Variants in TCHP observed in about 807,000 individuals in gnomAD.
TCHP encodes the protein trichoplein keratin filament-binding protein.
A neutral mutation model predicts 88.7 loss-of-function variants in TCHP; 81 were observed. The ratio of observed to expected loss-of-function variants is 0.91; its 90% CI spans 0.76 to 1.10. TCHP has a LOEUF of 1.10. TCHP is among the 50% of genes least tolerant of loss of function. The pLI, the probability that TCHP is intolerant of heterozygous loss-of-function variation, is 0.00. For synonymous variants in TCHP, 232 were observed against 232.5 expected (o/e 1.00, Z 0.02); for missense variants, 641 against 632.1 (o/e 1.01, Z -0.15).
the TCHP span, among the ~76,000 whole-genome samples, chr12:109,882,612 A>G: frequency 7.0e-6 from 1 of 142,788 alleles, no homozygotes; most frequent in Non-Finnish European, 1.5e-5. Context: ...AGGCTGGAGT[A>G]TATTGGGGCA....
chr12:109,894,160 G>C, the TCHP span, among the ~76,000 whole-genome samples: 2 of 151,256 alleles, frequency 1.3e-5, no homozygotes, highest in African/African-American at 4.9e-5. Context: ...ACTCTAGCCT[G>C]GGCAACAGAG....
In TCHP at chr12:109,911,412, G is replaced by A. The variant is rs113688375; in HGVS notation, c.1052+177G>A. Among the ~76,000 whole-genome samples, 758 of 152,166 alleles carry A rather than the reference G, an allele frequency of 5.0e-3. 6 individuals carry two copies. The highest frequency in any genetic ancestry group is 0.017 in the African/African-American group (726 of 41,532). On this transcript the variant is annotated intron_variant, in intron 9 of 12. Coordinates refer to ENST00000405876, the MANE Select transcript of TCHP (RefSeq NM_001143852.2). ...GGATCGCTTGAGCCTAGGAATTTGA[G>A]ATCAGCCTGGGCAACATGGCAAAAC...
At chr12:109,897,846 C>T (rs1869603825), upstream of TCHP, among the ~76,000 whole-genome samples, 1 of 152,190 alleles carries the variant, frequency 6.6e-6, no homozygotes, top group Admixed American at 6.5e-5. Context: ...GCGTGAGCCA[C>T]CACGCCTGGT....
chr12:109,915,218 G>A (rs1870739206), intron 11 of TCHP, 185 bp from the exon 12 acceptor site: 2 of 752,528 alleles, frequency 2.7e-6, no homozygotes, highest in African/African-American at 1.7e-5. Context: ...TTTCTATGAG[G>A]TACACACCAT....
rs182911911 is a variant in TCHP at position 109,902,159 on chromosome 12, G to A, written c.1-868G>A. Among the ~76,000 whole-genome samples the A allele has an allele frequency of 1.4e-4, 22 of 152,170 alleles. No homozygotes were observed. In the East Asian group the frequency reaches 3.1e-3, roughly 21 times the overall value. The stretch of plus-strand genomic sequence containing the variant: ...ATGGCTGGCCCACAGCTGGGTGCAC[G>A]CAGTCCAGAATTTTTTATGTTTTTG... On this transcript the variant is annotated intron_variant, in intron 1 of 12. Transcript: ENST00000405876.
At chr12:109,908,810 C>A in intron 7 of TCHP, 61 bp from the exon 8 acceptor site, 1 of 1,586,660 alleles carries the variant, frequency 6.3e-7, no homozygotes, top group Non-Finnish European at 8.7e-7. Context: ...CAGCAGTTAT[C>A]TAACTTCTAT....
intron 1 of TCHP, among the ~76,000 whole-genome samples, chr12:109,901,987 G>GA (rs989766525): frequency 6.6e-6 from 1 of 151,994 alleles, no homozygotes; most frequent in Non-Finnish European, 1.5e-5. Context: ...TTGTAAGAAT[G>GA]AAAAAAAGTC....
intron 6 of TCHP, 22 bp from the exon 7 acceptor site, chr12:109,908,564 C>CT: frequency 6.4e-7 from 1 of 1,570,478 alleles, no homozygotes; most frequent in East Asian, 2.3e-5. Flanking sequence ...CTCAGTCGAG[C>CT]TTACTCTCAT....
Position 109,908,680 on chromosome 12 carries a change from G to A in TCHP, c.794G>A (p.Arg265Gln), listed in dbSNP as rs767174913. 1.1e-5 allele frequency: 17 copies of A among 1,595,434 alleles called. No homozygotes were observed. The highest frequency in any genetic ancestry group is 2.3e-5 in the East Asian group (1 of 44,282). ...GAGCGAAAGCAGATGGAAGCCTTCC[G>A]GCAGAAGGCAGAGCTGGGGTGTGTG... is the stretch of plus-strand genomic sequence containing the variant. ...EEERKQMEAFRQKAELGRFLR... is the reference protein window; with the variant it reads ...EEERKQMEAFQQKAELGRFLR... The change falls in exon 7 of 13, where the codon CGG becomes CAG. Residue 265 changes from arginine to glutamine, a missense_variant. Arg to Gln is a conservative substitution (Grantham distance 43). Transcript: ENST00000405876.
At chr12:109,894,535 G>A in the TCHP span, among the ~76,000 whole-genome samples, 1 of 151,660 alleles carries the variant, frequency 6.6e-6, no homozygotes, top group African/African-American at 2.4e-5. Context: ...GGAGGCCGAG[G>A]TGGGCAGATC....
the TCHP span, among the ~76,000 whole-genome samples, chr12:109,882,269 T>A: frequency 2.3e-4 from 35 of 151,568 alleles, no homozygotes; most frequent in Non-Finnish European, 3.4e-4. Flanking sequence ...CCATCTCTAC[T>A]AACAAATACA....
chr12:109,906,590 C>A lies in TCHP; in HGVS notation c.475C>A (p.Gln159Lys), dbSNP rs777308364. ...KLREMELDLH[Q>K]KHVVNSWEMQ... ...TCCTCAGATGGAGCTGGACCTTCAC[C>A]AGAAGCATGTCGTAAACTCTTGGGA... Residue 159 changes from glutamine to lysine, a missense_variant, in exon 5 of 13, where the codon CAG becomes AAG. Physicochemically the swap from Gln to Lys is moderately conservative, Grantham distance 53 (BLOSUM62 1). Transcript: ENST00000405876. 6.2e-7 allele frequency: 1 copy of A among 1,612,734 alleles called. No individual in the cohort carries two copies. Among genetic ancestry groups the A allele is most frequent in the Non-Finnish European group, 8.5e-7 (1 of 1,179,882 alleles).
chr12:109,916,491 ATT>A, intron 12 of TCHP, 98 bp from the exon 13 acceptor site: 1 of 1,250,256 alleles, frequency 8.0e-7, no homozygotes, highest in East Asian at 2.6e-5. Flanking sequence ...TGAAACAGCC[ATT>A]TATATTGTTC....
the TCHP span, chr12:109,888,315 G>A: frequency 6.6e-6 from 1 of 152,186 alleles, no homozygotes; most frequent in Non-Finnish European, 1.5e-5. Flanking sequence ...TAGTGTCAGG[G>A]AAATACTACC....
At chr12:109,883,072 T>C in the TCHP span, among the ~76,000 whole-genome samples, 38 of 150,224 alleles carry the variant, frequency 2.5e-4, no homozygotes, top group Non-Finnish European at 5.2e-4. Flanking sequence ...AGGATCTCAC[T>C]CTGTAGCCAA....
chr12:109,913,850 AT>A (rs1213792864), intron 10 of TCHP, among the ~76,000 whole-genome samples: 3 of 151,918 alleles, frequency 2.0e-5, no homozygotes, highest in Non-Finnish European at 4.4e-5. Context: ...GTGCCTTTTG[AT>A]TTTCCTCATT....
Position 109,911,043 on chromosome 12 carries a change from C to A in TCHP, c.880-20C>A. 6.5e-7 allele frequency: 1 copy of A among 1,536,160 alleles called. No individual in the cohort carries two copies. On this transcript the variant is annotated intron_variant, in intron 8 of 12. Transcript: ENST00000405876. ...GGACTCTGTCCAGCCCAGCCACGTGCCGCCCTCTGCTTCCTCTAGGAGGCA... is the reference window on the plus strand; with the variant it reads ...GGACTCTGTCCAGCCCAGCCACGTGACGCCCTCTGCTTCCTCTAGGAGGCA...
At chr12:109,914,753 G>A (rs1291424237) in intron 11 of TCHP, 126 bp downstream of exon 11, 14 of 713,062 alleles carry the variant, frequency 2.0e-5, no homozygotes, top group African/African-American at 9.0e-5. Context: ...CGGTGCTCCC[G>A]TTTCCATCCC....
the TCHP span, among the ~76,000 whole-genome samples, chr12:109,886,329 G>C: frequency 4.6e-5 from 7 of 151,994 alleles, no homozygotes; most frequent in African/African-American, 7.2e-5. Context: ...GTAGAAACAG[G>C]GTTTCACCAT....
Sources: gnomAD v4.1 joint callset for allele counts (sites outside exome capture counted in the v4.1 genomes callset) on GRCh38, gnomAD v4.1.1 for gene constraint, MANE v1.5 for transcripts, NCBI Gene and HGNC (gene_info 2026-07-23, HGNC 2026-07-21) for gene names.